The following PPARGC1A variants were observed in gnomAD, a reference collection of about 807,000 sequenced individuals.
PPARGC1A encodes the protein peroxisome proliferator-activated receptor gamma coactivator 1-alpha.
Under a neutral mutation model 88.7 loss-of-function variants are expected in PPARGC1A, and 25 were observed. The ratio of observed to expected loss-of-function variants is 0.28; its 90% CI spans 0.21 to 0.39. The LOEUF is 0.39. Ranked by LOEUF, PPARGC1A falls within the 10% of genes least tolerant of loss-of-function variation. The probability of loss-of-function intolerance (pLI) is 1.00; values close to 1 mark genes in which losing one functional copy is unlikely to be tolerated. For missense variants in PPARGC1A, 880 were observed against 968.7 expected, an observed-to-expected ratio of 0.91 and a Z score of 1.22; for synonymous variants, 363 against 355.6, an observed-to-expected ratio of 1.02 and a Z score of -0.24.
At chr4:24,104,695 G>A in the PPARGC1A span, among the ~76,000 whole-genome samples, 1 of 152,120 alleles carries the variant, frequency 6.6e-6, no homozygotes. Context: ...ACAAAAGCAG[G>A]AATGGGGCTG....
chr4:23,847,409 CCT>C (rs1728512774), intron 2 of PPARGC1A, among the ~76,000 whole-genome samples: 2 of 152,196 alleles, frequency 1.3e-5, no homozygotes, highest in African/African-American at 4.8e-5. Context: ...CCACTCATAC[CCT>C]GTTTCAGTAC....
chr4:23,959,559 C>T, the PPARGC1A span, among the ~76,000 whole-genome samples: 23 of 152,142 alleles, frequency 1.5e-4, no homozygotes, highest in South Asian at 3.1e-3. Flanking sequence ...ACCAGCATGA[C>T]GTGGCTTTGG....
the PPARGC1A span, among the ~76,000 whole-genome samples, chr4:23,976,994 G>A: frequency 2.0e-5 from 3 of 151,828 alleles, no homozygotes; most frequent in Non-Finnish European, 4.4e-5. Context: ...GAGGAAGAGG[G>A]AGAGGAGAAG....
chr4:24,332,206 G>A, the PPARGC1A span, among the ~76,000 whole-genome samples: 3 of 151,708 alleles, frequency 2.0e-5, no homozygotes, highest in African/African-American at 7.3e-5. Flanking sequence ...TCAAACTCCT[G>A]GGCTCAAGCA....
Position 23,841,235 on chromosome 4 carries a change from T to C in PPARGC1A, c.235-9484A>G, listed in dbSNP as rs151205093. On this transcript the variant is annotated intron_variant, in intron 2 of 12. Coordinates refer to ENST00000264867, the MANE Select transcript of PPARGC1A (RefSeq NM_013261.5). ...CCTACTCTCTGACCATGCAGGAGTA[T>C]TGACTCTCTAGTCAAGAGAAAACCA... 6.2e-4 allele frequency among the ~76,000 whole-genome samples: 95 copies of C among 152,174 alleles called. No individual in the cohort carries two copies. In the East Asian group the frequency reaches 0.013, roughly 21 times the overall value.
chr4:24,033,767 C>T, the PPARGC1A span, among the ~76,000 whole-genome samples: 3 of 152,182 alleles, frequency 2.0e-5, no homozygotes, highest in African/African-American at 7.2e-5. Flanking sequence ...ATGCTGCTAG[C>T]CTGTGTGAAA....
chr4:24,003,048 A>G, the PPARGC1A span, among the ~76,000 whole-genome samples: 1 of 152,324 alleles, frequency 6.6e-6, no homozygotes, highest in South Asian at 2.1e-4. Context: ...TTTTATGATC[A>G]CGAAAGGAAT....
chr4:23,950,225 G>A, the PPARGC1A span, among the ~76,000 whole-genome samples: 56,549 of 151,776 alleles, frequency 0.37, 11,129 homozygotes, highest in Non-Finnish European at 0.46. Flanking sequence ...TCTTATTATC[G>A]TTGATAGAGT....
At chr4:24,041,368 G>T in the PPARGC1A span, among the ~76,000 whole-genome samples, 1 of 152,178 alleles carries the variant, frequency 6.6e-6, no homozygotes, top group Non-Finnish European at 1.5e-5. Context: ...CTCTCTAACA[G>T]TGATAGCTTT....
chr4:23,907,320 G>A (rs764705050), upstream of PPARGC1A, among the ~76,000 whole-genome samples: 3 of 152,154 alleles, frequency 2.0e-5, no homozygotes, highest in East Asian at 1.9e-4. Flanking sequence ...GATGTCTGAC[G>A]CAAAGGTAGT....
chr4:24,173,538 A>G, the PPARGC1A span, among the ~76,000 whole-genome samples: 103 of 152,284 alleles, frequency 6.8e-4, no homozygotes, highest in African/African-American at 2.3e-3. Context: ...TGCAACAACA[A>G]CAAAATCAGA....
the PPARGC1A span, among the ~76,000 whole-genome samples, chr4:24,215,524 G>GTTTACT: frequency 1.3e-5 from 2 of 152,148 alleles, no homozygotes; most frequent in Non-Finnish European, 2.9e-5. Context: ...CTGTGCTTGA[G>GTTTACT]TTTACTTTTT....
At chr4:23,986,607 C>G in the PPARGC1A span, among the ~76,000 whole-genome samples, 2 of 152,014 alleles carry the variant, frequency 1.3e-5, no homozygotes, top group Non-Finnish European at 2.9e-5. Flanking sequence ...TATACATGAT[C>G]TCATTTCATT....
At chr4:23,976,952 G>A in the PPARGC1A span, among the ~76,000 whole-genome samples, 5 of 151,756 alleles carry the variant, frequency 3.3e-5, no homozygotes, top group African/African-American at 1.2e-4. Flanking sequence ...GGAAGAAGAA[G>A]GAAGAAGAGG....
At chr4:24,003,164 T>C in the PPARGC1A span, among the ~76,000 whole-genome samples, 2 of 152,116 alleles carry the variant, frequency 1.3e-5, no homozygotes, top group African/African-American at 4.8e-5. Flanking sequence ...GGTGGATGTG[T>C]TACCTACACC....
chr4:24,090,964 C>A, the PPARGC1A span, among the ~76,000 whole-genome samples: 1 of 152,220 alleles, frequency 6.6e-6, no homozygotes, highest in East Asian at 1.9e-4. Context: ...CTGCATACCA[C>A]AGAGCTTCTA....
chr4:24,281,658 C>T, the PPARGC1A span, among the ~76,000 whole-genome samples: 1 of 152,304 alleles, frequency 6.6e-6, no homozygotes, highest in Admixed American at 6.5e-5. Flanking sequence ...TGAATATTTA[C>T]TATACAGCAG....
the PPARGC1A span, among the ~76,000 whole-genome samples, chr4:24,054,643 T>C: frequency 6.6e-6 from 1 of 152,248 alleles, no homozygotes; most frequent in Non-Finnish European, 1.5e-5. Flanking sequence ...AAAAACATTA[T>C]CTCATTCAAC....
the PPARGC1A span, among the ~76,000 whole-genome samples, chr4:24,223,781 A>G: frequency 1.3e-5 from 2 of 152,238 alleles, no homozygotes; most frequent in Admixed American, 1.3e-4. Flanking sequence ...CAACCACATT[A>G]AATTTTATAT....
Sources: gnomAD v4.1 joint callset for allele counts (sites outside exome capture counted in the v4.1 genomes callset) on GRCh38, gnomAD v4.1.1 for gene constraint, MANE v1.5 for transcripts, NCBI Gene and HGNC (gene_info 2026-07-23, HGNC 2026-07-21) for gene names.